The following HS6ST3 variants were observed in gnomAD, a reference collection of about 807,000 sequenced individuals.
HS6ST3 encodes the protein heparan-sulfate 6-O-sulfotransferase 3.
HS6ST3 carries 12 observed loss-of-function variants against 36.7 expected under a neutral mutation model. The observed-to-expected ratio is 0.33, with a 90% CI of 0.21 to 0.53. The LOEUF (loss-of-function observed/expected upper bound fraction) is 0.53. Ranked by LOEUF, HS6ST3 falls within the 20% of genes least tolerant of loss-of-function variation. HS6ST3 has a pLI of 0.95. For synonymous variants in HS6ST3, 240 were observed against 257.5 expected, an observed-to-expected ratio of 0.93 and a Z score of 0.65; for missense variants, 584 against 640.9, an observed-to-expected ratio of 0.91 and a Z score of 0.96.
chr13:96,151,328 TG>T (rs2054083756), intron 1 of HS6ST3, among the ~76,000 whole-genome samples: 1 of 150,546 alleles, frequency 6.6e-6, no homozygotes, highest in African/African-American at 2.4e-5. Context: ...TGTTTGAACC[TG>T]GGAGGTGGAG....
At chr13:96,553,626 T>C (rs1014386870) in intron 1 of HS6ST3, among the ~76,000 whole-genome samples, 2 of 152,142 alleles carry the variant, frequency 1.3e-5, no homozygotes, top group African/African-American at 4.8e-5. Context: ...GGAGACAAGG[T>C]TGGAACTGAA....
chr13:96,596,520 T>C (rs2056401942), intron 1 of HS6ST3, among the ~76,000 whole-genome samples: 1 of 152,158 alleles, frequency 6.6e-6, no homozygotes, highest in African/African-American at 2.4e-5. Context: ...TATTTTTAGT[T>C]CCTTGAGAAA....
intron 1 of HS6ST3, among the ~76,000 whole-genome samples, chr13:96,484,094 A>G (rs545010320): frequency 8.4e-4 from 128 of 151,794 alleles, no homozygotes; most frequent in African/African-American, 3.0e-3. Flanking sequence ...ATTCCATTTC[A>G]TTGATTTGTC....
intron 1 of HS6ST3, among the ~76,000 whole-genome samples, chr13:96,255,291 A>C (rs1432177162): frequency 6.6e-6 from 1 of 152,176 alleles, no homozygotes; most frequent in African/African-American, 2.4e-5. Context: ...GTCTTCCTGC[A>C]AACAAGGATA....
At chr13:96,527,632 C>A (rs192649284) in intron 1 of HS6ST3, among the ~76,000 whole-genome samples, 1 of 152,144 alleles carries the variant, frequency 6.6e-6, no homozygotes, top group African/African-American at 2.4e-5. Flanking sequence ...ATCCCTTGAA[C>A]AGAAACTACA....
intron 1 of HS6ST3, among the ~76,000 whole-genome samples, chr13:96,297,799 T>C (rs1003193577): frequency 2.0e-5 from 3 of 152,126 alleles, no homozygotes; most frequent in African/African-American, 7.2e-5. Context: ...TCACTTCTAC[T>C]GGCATTCATA....
intron 1 of HS6ST3, among the ~76,000 whole-genome samples, chr13:96,676,107 T>C (rs993649560): frequency 3.9e-5 from 6 of 152,194 alleles, no homozygotes; most frequent in Non-Finnish European, 7.3e-5. Context: ...AGGGCTGTCA[T>C]AACAAATCTC....
intron 1 of HS6ST3, among the ~76,000 whole-genome samples, chr13:96,257,921 C>T (rs1001994377): frequency 6.6e-5 from 10 of 152,158 alleles, no homozygotes; most frequent in Admixed American, 4.6e-4. Flanking sequence ...AAAAGACAAA[C>T]GTCATTTTTT....
At chr13:96,253,567 C>G (rs1204615099) in intron 1 of HS6ST3, among the ~76,000 whole-genome samples, 1 of 152,140 alleles carries the variant, frequency 6.6e-6, no homozygotes, top group Non-Finnish European at 1.5e-5. Flanking sequence ...TGAGTGGTCA[C>G]CAAAATCAGT....
intron 1 of HS6ST3, among the ~76,000 whole-genome samples, chr13:96,575,780 C>G (rs2056318482): frequency 6.6e-6 from 1 of 152,130 alleles, no homozygotes; most frequent in South Asian, 2.1e-4. Flanking sequence ...CTTGCTTGTT[C>G]TTCACTTGTT....
intron 1 of HS6ST3, among the ~76,000 whole-genome samples, chr13:96,414,871 G>A (rs2055525368): frequency 6.6e-6 from 1 of 152,168 alleles, no homozygotes; most frequent in East Asian, 1.9e-4. Context: ...AAAATTGACT[G>A]TTTCAGAGTC....
intron 1 of HS6ST3, among the ~76,000 whole-genome samples, chr13:96,409,201 T>C (rs1351615588): frequency 6.6e-6 from 1 of 152,230 alleles, no homozygotes; most frequent in Non-Finnish European, 1.5e-5. Flanking sequence ...TATTTGTCCA[T>C]ATCTGGCATG....
At chr13:96,811,280 C>G (rs1415244035) in intron 1 of HS6ST3, among the ~76,000 whole-genome samples, 2 of 152,096 alleles carry the variant, frequency 1.3e-5, no homozygotes, top group Non-Finnish European at 2.9e-5. Flanking sequence ...CAGAGAGGAC[C>G]AGGAAGAAAT....
chr13:96,472,521 T>C lies in HS6ST3; in HGVS notation c.708-359969T>C, dbSNP rs1431634532. The stretch of plus-strand genomic sequence containing the variant: ...TTCCTGGAAGCCCTCCATGATTCCA[T>C]GAAACACACATCGATGCCCTCCTCT... On this transcript the variant is annotated intron_variant, in intron 1 of 1. Transcript: ENST00000376705. Among the ~76,000 whole-genome samples, 5 of 152,328 alleles carry C rather than the reference T, an allele frequency of 3.3e-5. No homozygotes were observed. In the South Asian group the frequency reaches 8.3e-4, roughly 25 times the overall value.
chr13:96,312,022 A>G (rs1407610194), intron 1 of HS6ST3, among the ~76,000 whole-genome samples: 4 of 152,128 alleles, frequency 2.6e-5, no homozygotes, highest in Non-Finnish European at 2.9e-5. Context: ...AACTGATACA[A>G]TGTCTTCCCC....
chr13:96,597,023 A>G (rs2056404176), intron 1 of HS6ST3, among the ~76,000 whole-genome samples: 1 of 152,176 alleles, frequency 6.6e-6, no homozygotes, highest in African/African-American at 2.4e-5. Flanking sequence ...ACAAAGTGAG[A>G]GCATGTTCTT....
At chr13:96,820,018 G>A (rs1435209821) in intron 1 of HS6ST3, among the ~76,000 whole-genome samples, 2 of 152,086 alleles carry the variant, frequency 1.3e-5, no homozygotes, top group East Asian at 3.9e-4. Context: ...AGAGTTTGCT[G>A]TGAGCCGAGA....
chr13:96,339,573 C>T (rs1486118269), intron 1 of HS6ST3, among the ~76,000 whole-genome samples: 1 of 152,170 alleles, frequency 6.6e-6, no homozygotes, highest in Non-Finnish European at 1.5e-5. Context: ...GAGCCTATGT[C>T]AGGGAGAGGA....
intron 1 of HS6ST3, among the ~76,000 whole-genome samples, chr13:96,639,828 T>G (rs765854037): frequency 6.6e-6 from 1 of 152,042 alleles, no homozygotes; most frequent in Non-Finnish European, 1.5e-5. Flanking sequence ...TGTTCCTGTG[T>G]GAATTTGCAT....
Sources: allele counts gnomAD v4.1 joint callset (sites outside exome capture counted in the v4.1 genomes callset), GRCh38; gene constraint gnomAD v4.1.1; transcripts MANE v1.5; gene names NCBI Gene and HGNC (gene_info 2026-07-23, HGNC 2026-07-21).